FBLN7: variants seen among roughly 807,000 people sequenced by gnomAD.
FBLN7 encodes the protein fibulin 7.
A neutral mutation model predicts 44.0 loss-of-function variants in FBLN7; 31 were observed. The ratio of observed to expected loss-of-function variants is 0.70; its 90% CI spans 0.53 to 0.95. The LOEUF (loss-of-function observed/expected upper bound fraction) is 0.95. FBLN7 is among the 40% of genes least tolerant of loss of function. The probability of loss-of-function intolerance (pLI) is 0.00; values close to 1 mark genes in which losing one functional copy is unlikely to be tolerated. For missense variants in FBLN7, 573 were observed against 618.5 expected (o/e 0.93, Z 0.78); for synonymous variants, 262 against 253.4 (o/e 1.03, Z -0.32).
the FBLN7 span, among the ~76,000 whole-genome samples, chr2:112,199,302 C>G: frequency 6.6e-6 from 1 of 152,174 alleles, no homozygotes; most frequent in Non-Finnish European, 1.5e-5. Flanking sequence ...GTGTCCATTT[C>G]TCTCATTTCT....
chr2:112,228,230 C>T, the FBLN7 span, among the ~76,000 whole-genome samples: 1 of 152,166 alleles, frequency 6.6e-6, no homozygotes, highest in Non-Finnish European at 1.5e-5. Flanking sequence ...TGGCCAGGCA[C>T]AGTGGCTCAC....
Position 112,150,257 on chromosome 2 carries a change from G to C in FBLN7, c.76-9419G>C, listed in dbSNP as rs1044892331. Among the ~76,000 whole-genome samples, 17 of 152,244 alleles carry C rather than the reference G, an allele frequency of 1.1e-4. No individual in the cohort carries two copies. In the South Asian group the frequency reaches 1.2e-3, roughly 11 times the overall value. On this transcript the variant is annotated intron_variant, in intron 1 of 7. Coordinates refer to ENST00000331203, the MANE Select transcript of FBLN7 (RefSeq NM_153214.3). ...GGTCAGAGAGCAAGACCAGCAACTGGTTGCATTGTCCAGAAAGCCTCAACT... is the reference window on the plus strand; with the variant it reads ...GGTCAGAGAGCAAGACCAGCAACTGCTTGCATTGTCCAGAAAGCCTCAACT...
chr2:112,153,844 G>A (rs944849398), intron 1 of FBLN7, among the ~76,000 whole-genome samples: 3 of 152,228 alleles, frequency 2.0e-5, no homozygotes, highest in Admixed American at 6.5e-5. Context: ...AACACTGTGC[G>A]AGAAGGGGCT....
chr2:112,170,353 C>G (rs755773348), intron 3 of FBLN7, among the ~76,000 whole-genome samples: 2 of 151,766 alleles, frequency 1.3e-5, no homozygotes, highest in Non-Finnish European at 2.9e-5. Flanking sequence ...TTGGCAAAAC[C>G]TCATCTGTAC....
At position 112,187,018 on chromosome 2, in the gene FBLN7, G is replaced by T; in HGVS notation, c.948-116G>T. 11 of 1,298,936 alleles carry T rather than the reference G, an allele frequency of 8.5e-6. No individual in the cohort carries two copies. In the South Asian group the frequency reaches 1.3e-4, roughly 15 times the overall value. 80.5% of individuals were successfully genotyped at this position (1,298,936 alleles called of 1,614,324 possible). A position where few individuals can be genotyped will look rare whatever the true frequency, so the allele number is the denominator to read the frequency against. On this transcript the variant is annotated intron_variant, in intron 7 of 7. Coordinates refer to ENST00000331203, the MANE Select transcript of FBLN7 (RefSeq NM_153214.3). This position sits in a 1 kb window ranked among gnomAD's most constrained non-coding sequence, Gnocchi z 5.1. ...ATAGCTCCTGGGTGAAGGACCCGTGGCTGGGAAAGGTCATCTAGGTGGCCT... is the reference window on the plus strand; with the variant it reads ...ATAGCTCCTGGGTGAAGGACCCGTGTCTGGGAAAGGTCATCTAGGTGGCCT...
chr2:112,148,192 G>A (rs1308499993), intron 1 of FBLN7, among the ~76,000 whole-genome samples: 3 of 152,180 alleles, frequency 2.0e-5, no homozygotes, highest in Non-Finnish European at 4.4e-5. Flanking sequence ...TTTAGCTGCC[G>A]ATTCGGATTG....
chr2:112,160,461 G>T (rs1054578280), intron 2 of FBLN7, among the ~76,000 whole-genome samples: 6 of 152,172 alleles, frequency 3.9e-5, no homozygotes, highest in Non-Finnish European at 8.8e-5. Flanking sequence ...CCAAACTGTT[G>T]CAAGGCGCCA....
chr2:112,238,648 T>C, the FBLN7 span: 1 of 728,920 alleles, frequency 1.4e-6, no homozygotes, highest in South Asian at 1.9e-5. Context: ...AATAGGTACA[T>C]GGGATTCATA....
intron 3 of FBLN7, among the ~76,000 whole-genome samples, chr2:112,172,039 C>T (rs183779541): frequency 5.3e-5 from 8 of 152,294 alleles, no homozygotes; most frequent in East Asian, 3.9e-4. Context: ...CGCTAGCCAC[C>T]GCACCCGACC....
chr2:112,226,544 G>C, the FBLN7 span, among the ~76,000 whole-genome samples: 1 of 125,010 alleles, frequency 8.0e-6, no homozygotes. Context: ...AGCCAAGATT[G>C]TGCCACTGCA....
chr2:112,182,918 G>A lies in FBLN7; in HGVS notation c.798G>A (p.Lys266=), dbSNP rs1179663156. 1.2e-5 allele frequency: 19 copies of A among 1,612,536 alleles called. No homozygotes were observed. Among genetic ancestry groups the A allele is most frequent in the Non-Finnish European group, 1.4e-5 (17 of 1,179,808 alleles). Reference sequence around the variant, plus strand: ...GATACCGAACTCTGGCTGACGGGAAGAGCTGTGAGGGTGAGTGAGGCTACA... The same window carrying A: ...GATACCGAACTCTGGCTGACGGGAAAAGCTGTGAGGGTGAGTGAGGCTACA... The part of the protein sequence containing the change: ...PGGYRTLADG[K]SCEDVDECVG... The change falls in exon 6 of 8, where the codon AAG becomes AAA. Residue 266 remains lysine, a synonymous_variant. Coordinates refer to ENST00000331203, the MANE Select transcript of FBLN7 (RefSeq NM_153214.3).
intron 3 of FBLN7, among the ~76,000 whole-genome samples, chr2:112,167,584 C>T (rs77996972): frequency 0.026 from 3,966 of 152,248 alleles, 63 homozygotes; most frequent in Middle Eastern, 0.041. Flanking sequence ...ACCCAGGAAG[C>T]TCATGAAAGA....
rs371987927 is a variant in FBLN7 at position 112,159,847 on chromosome 2, C to A, written c.235+12C>A. The A allele has an allele frequency of 6.6e-6, 10 of 1,518,062 alleles. No individual in the cohort carries two copies. Among genetic ancestry groups the A allele is most frequent in the African/African-American group, 1.4e-5 (1 of 71,414 alleles). 94.0% of individuals were successfully genotyped at this position (1,518,062 alleles called of 1,614,324 possible). ...AGATGCCCTTCCAGGTGGGTCCCCACGTCGGCACCGCTGGGGCGGCAGCGC... is the reference window on the plus strand; with the variant it reads ...AGATGCCCTTCCAGGTGGGTCCCCAAGTCGGCACCGCTGGGGCGGCAGCGC... On this transcript the variant is annotated intron_variant, in intron 2 of 7. Coordinates refer to ENST00000331203, the MANE Select transcript of FBLN7 (RefSeq NM_153214.3).
At chr2:112,142,736 G>A (rs114020750) in intron 1 of FBLN7, among the ~76,000 whole-genome samples, 4,690 of 151,448 alleles carry the variant, frequency 0.031, 242 homozygotes, top group African/African-American at 0.11. Context: ...AGGAGACAGC[G>A]CAAGAGTAAT....
intron 2 of FBLN7, among the ~76,000 whole-genome samples, chr2:112,160,728 GCACGCACACGCACA>G (rs1681752989): frequency 1.7e-5 from 2 of 114,548 alleles, no homozygotes; most frequent in African/African-American, 3.8e-5. Flanking sequence ...ACGCGCACAC[GCACGCACACGCACA>G]CACGCGCACG....
At chr2:112,227,737 G>C in the FBLN7 span, among the ~76,000 whole-genome samples, 1 of 152,082 alleles carries the variant, frequency 6.6e-6, no homozygotes, top group African/African-American at 2.4e-5. Context: ...GCATCAAACA[G>C]AATATGTACG....
At chr2:112,200,331 C>T in the FBLN7 span, among the ~76,000 whole-genome samples, 1 of 152,100 alleles carries the variant, frequency 6.6e-6, no homozygotes, top group Non-Finnish European at 1.5e-5. Context: ...TGGGGGACAC[C>T]TCAGATGTTC....
intron 3 of FBLN7, 86 bp from the exon 4 acceptor site, chr2:112,175,628 A>G: frequency 6.6e-7 from 1 of 1,515,464 alleles, no homozygotes; most frequent in Admixed American, 1.7e-5. Flanking sequence ...AATGTAAAGG[A>G]AGTTAACCCT....
chr2:112,182,511 T>G (rs1317359278), intron 5 of FBLN7, among the ~76,000 whole-genome samples: 10 of 152,174 alleles, frequency 6.6e-5, no homozygotes. Context: ...TCCCCAGGTG[T>G]CTTCAGCCTA....
Sources: allele counts gnomAD v4.1 joint callset (sites outside exome capture counted in the v4.1 genomes callset), GRCh38; gene constraint gnomAD v4.1.1; non-coding constraint Gnocchi (gnomAD v3.1); transcripts MANE v1.5; gene names NCBI Gene and HGNC (gene_info 2026-07-23, HGNC 2026-07-21).